Variants in SPTB observed in about 807,000 individuals in gnomAD.
The protein encoded by SPTB is spectrin beta chain, erythrocytic.
In SPTB, 45 loss-of-function variants were observed where a neutral mutation model predicts 256.2. The observed-to-expected ratio is 0.18, with a 90% CI of 0.14 to 0.23. SPTB has a LOEUF of 0.23. Ranked by LOEUF, SPTB falls within the 10% of genes least tolerant of loss-of-function variation. The probability of loss-of-function intolerance (pLI) is 1.00; values close to 1 mark genes in which losing one functional copy is unlikely to be tolerated. For missense variants in SPTB, 2,715 were observed against 3,040.4 expected (o/e 0.89, Z 2.52); for synonymous variants, 1,231 against 1,243.1 (o/e 0.99, Z 0.21).
At chr14:64,752,191 G>A in intron 33 of SPTB, 1 of 1,346,318 alleles carries the variant, frequency 7.4e-7, no homozygotes, top group Non-Finnish European at 9.8e-7. Context: ...AGGTGGGCTA[G>A]CCCGAGCCGC....
In SPTB at chr14:64,785,283, C is replaced by T. The variant is rs1464618439; in HGVS notation, c.3855+254G>A. On this transcript the variant is annotated intron_variant, in intron 18 of 35. Coordinates refer to ENST00000644917, the MANE Select transcript of SPTB (RefSeq NM_001355436.2). This position sits in a 1 kb window ranked among gnomAD's most constrained non-coding sequence, Gnocchi z 4.4. ...GGGTCCTAGGTGATTCTAAAATAGA[C>T]TGTCCCTAGACTACTCTTAAGAAAC... Among the ~76,000 whole-genome samples, 1 of 152,082 alleles carries T rather than the reference C, an allele frequency of 6.6e-6. No individual in the cohort carries two copies. The highest frequency in any genetic ancestry group is 2.4e-5 in the African/African-American group (1 of 41,402).
At chr14:64,808,938 C>A (rs547096428) in intron 2 of SPTB, among the ~76,000 whole-genome samples, 2 of 151,884 alleles carry the variant, frequency 1.3e-5, no homozygotes, top group Admixed American at 6.6e-5. Flanking sequence ...GCCAGGGAGA[C>A]AGAATGAGTC....
chr14:64,794,721 G>C, intron 12 of SPTB, 104 bp from the exon 13 acceptor site: 1 of 1,494,152 alleles, frequency 6.7e-7, no homozygotes, highest in Non-Finnish European at 9.2e-7. Context: ...TCTGAGCAAG[G>C]GTGAGCCAAA....
intron 32 of SPTB, among the ~76,000 whole-genome samples, chr14:64,765,125 A>G: frequency 6.6e-6 from 1 of 151,650 alleles, no homozygotes; most frequent in South Asian, 2.1e-4. Context: ...TGAAAAAGGG[A>G]GGCCTCACTA....
intron 33 of SPTB, among the ~76,000 whole-genome samples, chr14:64,751,019 TGTTATATATTATATATGTAGCA>T (rs1378151340): frequency 6.9e-6 from 1 of 145,566 alleles, no homozygotes; most frequent in African/African-American, 2.5e-5. Flanking sequence ...TTATACATTA[TGTTATATATTATATATGTAGCA>T]ATTATATATT....
chr14:64,792,860 C>A lies in SPTB; in HGVS notation c.2666+137G>T. On this transcript the variant is annotated intron_variant, in intron 14 of 35. Transcript: ENST00000644917. This position sits in a 1 kb window ranked among gnomAD's most constrained non-coding sequence, Gnocchi z 4.2. ...GAATAGAACTTATGACTCCTAATGC[C>A]AGGACTTTGCAACAAAGGACATCCC... is the stretch of plus-strand genomic sequence containing the variant. 2 of 1,233,786 alleles carry A rather than the reference C, an allele frequency of 1.6e-6. No homozygotes were observed. Among genetic ancestry groups the A allele is most frequent in the South Asian group, 2.7e-5 (2 of 74,242 alleles). 76.4% of individuals were successfully genotyped at this position (1,233,786 alleles called of 1,614,324 possible).
rs17180518 is a variant in SPTB at position 64,803,736 on chromosome 14, A to G, written c.345T>C (p.Asn115=). The change falls in exon 4 of 36, where the codon AAT becomes AAC. Residue 115 remains asparagine, a synonymous_variant. Transcript: ENST00000644917. The stretch of plus-strand genomic sequence containing the variant: ...TGAGGAACTGGAGAGCCTTGTCCAC[A>G]TTCTCCAGGCAGTGGATGCGCATCT... ...KGKMRIHCLE[N]VDKALQFLKE... is the part of the protein sequence containing the mutation. 2,623 of 1,614,038 alleles carry G rather than the reference A, an allele frequency of 1.6e-3. 5 individuals carry two copies. The highest frequency in any genetic ancestry group is 7.7e-3 in the African/African-American group (578 of 75,008).
At position 64,779,356 on chromosome 14, in the gene SPTB, C is replaced by A; in HGVS notation, c.4474-110G>T. 1 of 877,660 alleles carries A rather than the reference C, an allele frequency of 1.1e-6. No individual in the cohort carries two copies. Among genetic ancestry groups the A allele is most frequent in the Non-Finnish European group, 1.9e-6 (1 of 536,454 alleles). The allele number at this position is 877,660 out of a possible 1,614,324, so 54.4% of individuals were successfully genotyped here. ...TGCTGGCAGTGTCTCCCCAGTTCCT[C>A]CCAACACCCCATCAGGGTTTTGCCC... On this transcript the variant is annotated intron_variant, in intron 21 of 35. Transcript: ENST00000644917. This position sits in a 1 kb window ranked among gnomAD's most constrained non-coding sequence, Gnocchi z 4.2.
chr14:64,780,014 C>A, intron 20 of SPTB, 83 bp from the exon 21 acceptor site: 1 of 1,278,086 alleles, frequency 7.8e-7, no homozygotes, highest in Non-Finnish European at 1.1e-6. Flanking sequence ...GCATCCCACC[C>A]ATCCTTTAAG....
intron 32 of SPTB, chr14:64,754,541 G>A (rs2081995864): frequency 6.4e-6 from 1 of 155,748 alleles, no homozygotes; most frequent in Admixed American, 6.2e-5. Context: ...TCGGCACATT[G>A]GTATCTCTTA....
At chr14:64,862,853 CAAAT>C in intron 1 of SPTB, among the ~76,000 whole-genome samples, 1 of 129,788 alleles carries the variant, frequency 7.7e-6, no homozygotes, top group South Asian at 3.1e-4. Flanking sequence ...AAAGCTAAAA[CAAAT>C]AAACAACAAT....
chr14:64,846,500 T>C (rs2083695034), intron 1 of SPTB, among the ~76,000 whole-genome samples: 1 of 152,230 alleles, frequency 6.6e-6, no homozygotes, highest in African/African-American at 2.4e-5. Flanking sequence ...AGGTCGTCAG[T>C]ATTTGTACCT....
At chr14:64,770,720 T>G (rs2082267019) in intron 27 of SPTB, among the ~76,000 whole-genome samples, 165 bp downstream of exon 27, 1 of 152,184 alleles carries the variant, frequency 6.6e-6, no homozygotes, top group South Asian at 2.1e-4. Flanking sequence ...CCCAGGCCAT[T>G]TCTGCCTCGA....
chr14:64,866,199 T>C lies in SPTB; in HGVS notation c.-52+13593A>G, dbSNP rs1882172398. 6.6e-6 allele frequency among the ~76,000 whole-genome samples: 1 copy of C among 152,196 alleles called. No homozygotes were observed. The highest frequency in any genetic ancestry group is 1.5e-5 in the Non-Finnish European group (1 of 68,036). On this transcript the variant is annotated intron_variant, in intron 1 of 35. Coordinates refer to ENST00000644917, the MANE Select transcript of SPTB (RefSeq NM_001355436.2). The surrounding 1 kb of genome is among the most constrained non-coding windows in gnomAD (Gnocchi z 4.6). ...CCTAGTAATCCTCGAGATGGGGTGATGATCACTAGCATTCATGACATTCCA... is the reference window on the plus strand; with the variant it reads ...CCTAGTAATCCTCGAGATGGGGTGACGATCACTAGCATTCATGACATTCCA...
intron 1 of SPTB, among the ~76,000 whole-genome samples, chr14:64,855,993 G>C (rs569238614): frequency 2.0e-5 from 3 of 152,234 alleles, no homozygotes; most frequent in South Asian, 2.1e-4. Context: ...CCCAGGCTCC[G>C]GCCCGAGGAG....
intron 33 of SPTB, among the ~76,000 whole-genome samples, chr14:64,751,794 C>G (rs1458819617): frequency 1.3e-5 from 2 of 151,802 alleles, no homozygotes; most frequent in African/African-American, 4.8e-5. Context: ...ACAAATAGGG[C>G]TCATGTCGGC....
At chr14:64,800,041 T>C in intron 8 of SPTB, 107 bp from the exon 9 acceptor site, 1 of 1,387,034 alleles carries the variant, frequency 7.2e-7, no homozygotes, top group Middle Eastern at 2.1e-4. Context: ...TCCCACCTCC[T>C]AAGCCCTGGA....
rs1053862630 is a variant in SPTB, at chr14:64,807,508, C to G, written c.149-2418G>C. 1.3e-5 allele frequency among the ~76,000 whole-genome samples: 2 copies of G among 152,224 alleles called. No homozygotes were observed. Among genetic ancestry groups the G allele is most frequent in the Non-Finnish European group, 2.9e-5 (2 of 68,040 alleles). ...TGAGCACAGGCAGGTGGCCTCCTAG[C>G]TGCCTTTTATTTGAAGGCTGGAGTG... On this transcript the variant is annotated intron_variant, in intron 2 of 35. Coordinates refer to ENST00000644917, the MANE Select transcript of SPTB (RefSeq NM_001355436.2). The surrounding 1 kb of genome is among the most constrained non-coding windows in gnomAD (Gnocchi z 4.7).
rs754992620 is a variant in SPTB, at chr14:64,785,878, T to C, written c.3635A>G (p.Asp1212Gly). ...AAEAGIRKFEDFLGSMENNRD... is the reference protein window; with the variant it reads ...AAEAGIRKFEGFLGSMENNRD... ...GTTGTTCTCCATAGACCCCAAGAAA[T>C]CCTCAAACTTCCGGATCCCAGCCTC... Residue 1212 changes from aspartate (D) to glycine (G), a missense_variant, in exon 17 of 36, where the codon GAT becomes GGT. By Grantham distance (94) the Asp-to-Gly change is moderately conservative. This residue lies in a region of SPTB where 2,239 missense variants were observed against 2,384.4 expected (regional missense o/e 0.94). Transcript: ENST00000644917. This position sits in a 1 kb window ranked among gnomAD's most constrained non-coding sequence, Gnocchi z 4.4. 1.9e-6 allele frequency: 3 copies of C among 1,613,886 alleles called. No individual in the cohort carries two copies. Among genetic ancestry groups the C allele is most frequent in the Non-Finnish European group, 2.5e-6 (3 of 1,180,002 alleles).
Sources: gnomAD v4.1 joint callset for allele counts (sites outside exome capture counted in the v4.1 genomes callset) on GRCh38, gnomAD v4.1.1 for gene constraint, gnomAD v4.1.1 regional missense constraint, Gnocchi (gnomAD v3.1) non-coding constraint, MANE v1.5 for transcripts, NCBI Gene and HGNC (gene_info 2026-07-23, HGNC 2026-07-21) for gene names.